FAM78B: variants seen among roughly 807,000 people sequenced by gnomAD.
The protein encoded by FAM78B is family with sequence similarity 78 member B.
Under a neutral mutation model 20.0 loss-of-function variants are expected in FAM78B, and 10 were observed. That is an observed-to-expected ratio of 0.50 (90% CI 0.31 to 0.85). FAM78B has a LOEUF of 0.85. FAM78B is among the 40% of genes least tolerant of loss of function. The pLI, the probability that FAM78B is intolerant of heterozygous loss-of-function variation, is 0.05. For missense variants in FAM78B, 283 were observed against 345.0 expected, an observed-to-expected ratio of 0.82 and a Z score of 1.42; for synonymous variants, 135 against 132.8, an observed-to-expected ratio of 1.02 and a Z score of -0.12.
At chr1:166,139,107 A>G (rs575031126) in intron 1 of FAM78B, among the ~76,000 whole-genome samples, 2 of 152,316 alleles carry the variant, frequency 1.3e-5, no homozygotes, top group African/African-American at 4.8e-5. Context: ...AAATTTTTCT[A>G]GCTAGCCCAC....
downstream of FAM78B, among the ~76,000 whole-genome samples, chr1:166,067,384 T>C (rs4074017): frequency 0.15 from 23,012 of 151,982 alleles, 1,930 homozygotes; most frequent in African/African-American, 0.22. Flanking sequence ...AAAACTCTAG[T>C]GCCACCAAGA....
At chr1:166,135,451 C>A (rs1387560138) in intron 1 of FAM78B, among the ~76,000 whole-genome samples, 1 of 152,230 alleles carries the variant, frequency 6.6e-6, no homozygotes, top group African/African-American at 2.4e-5. Context: ...TCACATCGCA[C>A]TACCTGAATC....
At chr1:166,103,437 C>A (rs970656146) in intron 1 of FAM78B, among the ~76,000 whole-genome samples, 1 of 151,906 alleles carries the variant, frequency 6.6e-6, no homozygotes, top group African/African-American at 2.4e-5. Context: ...AAAAGATCAA[C>A]AAAATTAATA....
At chr1:166,133,499 G>A (rs1654954114) in intron 1 of FAM78B, among the ~76,000 whole-genome samples, 2 of 151,638 alleles carry the variant, frequency 1.3e-5, no homozygotes, top group South Asian at 4.2e-4. Context: ...TTCATGTGGG[G>A]ATCTTTCTGC....
chr1:166,109,838 A>ATATATATATATATATATATATG (rs1469856162), intron 1 of FAM78B, among the ~76,000 whole-genome samples: 2 of 21,188 alleles, frequency 9.4e-5, no homozygotes, highest in Non-Finnish European at 1.8e-4. Flanking sequence ...ATATGTATAT[A>ATATATATATATATATATATATG]TGTATATATA....
intron 1 of FAM78B, among the ~76,000 whole-genome samples, chr1:166,118,745 C>T (rs1654356241): frequency 6.6e-6 from 1 of 152,066 alleles, no homozygotes; most frequent in African/African-American, 2.4e-5. Context: ...CTCCATTATA[C>T]AGATAAGAAA....
intron 1 of FAM78B, among the ~76,000 whole-genome samples, chr1:166,074,332 C>T (rs1328037574): frequency 6.6e-6 from 1 of 152,178 alleles, no homozygotes; most frequent in Non-Finnish European, 1.5e-5. Context: ...TACTCATCCT[C>T]TGAGAATCAC....
intron 1 of FAM78B, among the ~76,000 whole-genome samples, chr1:166,156,762 G>A (rs1655913076): frequency 6.6e-6 from 1 of 152,092 alleles, no homozygotes; most frequent in South Asian, 2.1e-4. Context: ...ACCTTCCTGA[G>A]CATGAACAGC....
intron 1 of FAM78B, among the ~76,000 whole-genome samples, chr1:166,122,191 A>G (rs977465922): frequency 2.6e-5 from 4 of 152,116 alleles, no homozygotes; most frequent in Non-Finnish European, 1.5e-5. Flanking sequence ...AGGGGAGGAG[A>G]TAAGCATAGT....
intron 1 of FAM78B, among the ~76,000 whole-genome samples, chr1:166,109,814 G>GTATATATATATA (rs201957585): frequency 6.1e-5 from 2 of 32,648 alleles, no homozygotes; most frequent in African/African-American, 9.8e-5. Flanking sequence ...ATGTATATAT[G>GTATATATATATA]TATATATATA....
intron 1 of FAM78B, among the ~76,000 whole-genome samples, chr1:166,143,328 G>C (rs369967860): frequency 1.3e-5 from 2 of 152,178 alleles, no homozygotes; most frequent in East Asian, 3.9e-4. Context: ...CTGGGGAACA[G>C]CATATTCAAA....
At chr1:166,131,329 TC>T (rs1654870927) in intron 1 of FAM78B, among the ~76,000 whole-genome samples, 1 of 151,904 alleles carries the variant, frequency 6.6e-6, no homozygotes, top group Admixed American at 6.6e-5. Context: ...TAATAGTGTC[TC>T]CAAATTATGT....
intron 1 of FAM78B, among the ~76,000 whole-genome samples, chr1:166,122,104 T>C (rs1318567315): frequency 6.6e-6 from 1 of 152,164 alleles, no homozygotes; most frequent in Non-Finnish European, 1.5e-5. Context: ...TGAAGCACCA[T>C]TTTGGAAAGT....
intron 1 of FAM78B, among the ~76,000 whole-genome samples, chr1:166,130,316 T>C (rs1019553647): frequency 6.6e-6 from 1 of 152,228 alleles, no homozygotes; most frequent in African/African-American, 2.4e-5. Context: ...GGATAGAATA[T>C]GCTGTTTCTT....
At position 166,166,339 on chromosome 1, in the gene FAM78B, G is replaced by T. The variant is rs1203403031; in HGVS notation, c.-91C>A. ...GCGCCCGTCACGCCGGCATGGCGAC[G>T]CGCCGCTCGCTCCCGGTCAGACTCA... is the stretch of plus-strand genomic sequence containing the variant. On this transcript the variant is annotated 5_prime_UTR_variant, in exon 1 of 2. Coordinates refer to ENST00000354422, the MANE Select transcript of FAM78B (RefSeq NM_001017961.5). The T allele has an allele frequency of 9.8e-7, 1 of 1,022,172 alleles. No homozygotes were observed. Among genetic ancestry groups the T allele is most frequent in the Non-Finnish European group, 1.2e-6 (1 of 847,110 alleles). The allele number at this position is 1,022,172 out of a possible 1,614,324, so 63.3% of individuals were successfully genotyped here.
downstream of FAM78B, among the ~76,000 whole-genome samples, chr1:166,056,510 C>A (rs1019365615): frequency 1.3e-5 from 2 of 152,152 alleles, no homozygotes; most frequent in Admixed American, 1.3e-4. Flanking sequence ...TCTCTTCCAA[C>A]CCTGCAGTTC....
chr1:166,086,415 C>T (rs902640710), intron 1 of FAM78B, among the ~76,000 whole-genome samples: 3 of 152,106 alleles, frequency 2.0e-5, no homozygotes, highest in African/African-American at 7.2e-5. Context: ...TGGCGCTGGG[C>T]AGGGTAAGGG....
intron 1 of FAM78B, among the ~76,000 whole-genome samples, chr1:166,099,360 C>T (rs1387224370): frequency 6.6e-6 from 1 of 151,914 alleles, no homozygotes. Context: ...AACAAACAAA[C>T]AAAAAAACGA....
intron 1 of FAM78B, among the ~76,000 whole-genome samples, chr1:166,153,108 T>C (rs1439206273): frequency 6.6e-6 from 1 of 152,204 alleles, no homozygotes; most frequent in Admixed American, 6.5e-5. Context: ...GAGATGAAAG[T>C]AGACGCCCAG....
Sources: allele counts gnomAD v4.1 joint callset (sites outside exome capture counted in the v4.1 genomes callset), GRCh38; gene constraint gnomAD v4.1.1; transcripts MANE v1.5; gene names NCBI Gene and HGNC (gene_info 2026-07-23, HGNC 2026-07-21).